The following ADCY6 variants were observed in gnomAD, a reference collection of about 807,000 sequenced individuals.
ADCY6 encodes adenylate cyclase 6, also known as adenylate cyclase type 6.
In ADCY6, 59 loss-of-function variants were observed where a neutral mutation model predicts 111.6. That is an observed-to-expected ratio of 0.53 (90% CI 0.43 to 0.66). ADCY6 has a LOEUF of 0.66. Among genes scored for constraint, ADCY6 ranks in the 30% least tolerant of loss-of-function variants. The pLI is 0.00. For missense variants in ADCY6, 1,242 were observed against 1,595.6 expected, an observed-to-expected ratio of 0.78 and a Z score of 3.78; for synonymous variants, 576 against 642.9, an observed-to-expected ratio of 0.90 and a Z score of 1.57.
Position 48,776,342 on chromosome 12 carries a change from T to C in ADCY6, c.1544A>G (p.His515Arg). 1 of 1,614,230 alleles carries C rather than the reference T, an allele frequency of 6.2e-7. No individual in the cohort carries two copies. Among genetic ancestry groups the C allele is most frequent in the South Asian group, 1.1e-5 (1 of 91,092 alleles). The part of the protein sequence containing the change: ...MEAGGRAGRI[H>R]ITRATLQYLN... ...GTACTGCAGTGTTGCCCGAGTGATGTGGATGCGGCTGTATGTGGCCAAGAG... is the reference window on the plus strand; with the variant it reads ...GTACTGCAGTGTTGCCCGAGTGATGCGGATGCGGCTGTATGTGGCCAAGAG... Residue 515 changes from histidine (H) to arginine (R), a missense_variant, in exon 8 of 22, where the codon CAC (histidine) becomes CGC (arginine). This residue lies in a region of ADCY6 where 260 missense variants were observed against 414.6 expected (regional missense o/e 0.63). Transcript: ENST00000357869. The surrounding 1 kb of genome is among the most constrained non-coding windows in gnomAD (Gnocchi z 6.1).
chr12:48,775,029 A>G lies in ADCY6; in HGVS notation c.2006T>C (p.Phe669Ser). ...KKYSRKVDPR[F>S]GAYVACALLV... ...CAGGGCACAGGCAACGTAGGCTCCGAAGCGGGGATCCACCTTCCGGGAGTA... is the reference window on the plus strand; with the variant it reads ...CAGGGCACAGGCAACGTAGGCTCCGGAGCGGGGATCCACCTTCCGGGAGTA... The change falls in exon 12 of 22, where the codon TTC (phenylalanine) becomes TCC (serine). Residue 669 changes from phenylalanine (F) to serine (S), a missense_variant. This residue lies in a region of ADCY6 where 375 missense variants were observed against 432.5 expected (regional missense o/e 0.87). Transcript: ENST00000357869. 1 of 1,556,870 alleles carries G rather than the reference A, an allele frequency of 6.4e-7. No homozygotes were observed. The highest frequency in any genetic ancestry group is 8.7e-7 in the Non-Finnish European group (1 of 1,149,896).
chr12:48,786,533 T>C (rs573439073), intron 1 of ADCY6, among the ~76,000 whole-genome samples: 2 of 152,206 alleles, frequency 1.3e-5, no homozygotes, highest in East Asian at 3.9e-4. Flanking sequence ...CGGCTAAATT[T>C]TGTATTTTTA....
rs1430111768 is a variant in ADCY6 at position 48,768,465 on chromosome 12, A to G, written c.*126T>C. The G allele has an allele frequency of 5.1e-6, 7 of 1,369,322 alleles. No homozygotes were observed. Among genetic ancestry groups the G allele is most frequent in the Non-Finnish European group, 7.2e-6 (7 of 972,408 alleles). The allele number at this position is 1,369,322 out of a possible 1,614,324, so 84.8% of individuals were successfully genotyped here. A position where few individuals can be genotyped will look rare whatever the true frequency, so the allele number is the denominator to read the frequency against. On this transcript the variant is annotated 3_prime_UTR_variant, in exon 22 of 22. Transcript: ENST00000357869. Reference sequence around the variant, plus strand: ...CATGATCCAAGCACAGCCTGCTGGGATGTTCCCTTTTGTGGTTAGCAGGGT... The same window carrying G: ...CATGATCCAAGCACAGCCTGCTGGGGTGTTCCCTTTTGTGGTTAGCAGGGT...
Position 48,773,959 on chromosome 12 carries a change from G to A in ADCY6, c.2423C>T (p.Pro808Leu). The change falls in exon 15 of 22, where the codon CCC becomes CTC. Residue 808 changes from proline (P) to leucine (L), a missense_variant. By Grantham distance (98) the Pro-to-Leu change is moderately conservative (BLOSUM62 -3). This residue lies in a region of ADCY6 where 375 missense variants were observed against 432.5 expected (regional missense o/e 0.87). Transcript: ENST00000357869. ...LDAPLCEGTMPTCSFPEYFIG... is the reference protein window; with the variant it reads ...LDAPLCEGTMLTCSFPEYFIG... Reference sequence around the variant, plus strand: ...GAACACCTCAGGAAAGCTGCAGGTGGGCATGGTGCCCTCACACAGGGGAGC... The same window carrying A: ...GAACACCTCAGGAAAGCTGCAGGTGAGCATGGTGCCCTCACACAGGGGAGC... 2 of 1,613,876 alleles carry A rather than the reference G, an allele frequency of 1.2e-6. No homozygotes were observed. Among genetic ancestry groups the A allele is most frequent in the Non-Finnish European group, 1.7e-6 (2 of 1,179,912 alleles).
At chr12:48,780,929 G>A (rs530812955) in intron 2 of ADCY6, among the ~76,000 whole-genome samples, 22 of 152,300 alleles carry the variant, frequency 1.4e-4, no homozygotes, top group Non-Finnish European at 4.4e-5. Flanking sequence ...GGCCAGGTGC[G>A]GTGGCTCACG....
In ADCY6 at chr12:48,777,783, A is replaced by G. The variant is rs769115608; in HGVS notation, c.1015-47T>C. The G allele has an allele frequency of 1.9e-6, 3 of 1,608,484 alleles. No homozygotes were observed. Among genetic ancestry groups the G allele is most frequent in the Admixed American group, 3.3e-5 (2 of 59,810 alleles). ...GGCATCACTATACTCTTGGTCTCAC[A>G]TTGCAATCCCTCCTGGTCTCTCCAC... On this transcript the variant is annotated intron_variant, in intron 3 of 21. Transcript: ENST00000357869. This position sits in a 1 kb window ranked among gnomAD's most constrained non-coding sequence, Gnocchi z 4.9.
chr12:48,768,554 C>T lies in ADCY6; in HGVS notation c.*37G>A, dbSNP rs1188078283. 6.2e-7 allele frequency: 1 copy of T among 1,614,136 alleles called. No individual in the cohort carries two copies. The highest frequency in any genetic ancestry group is 8.5e-7 in the Non-Finnish European group (1 of 1,179,994). On this transcript the variant is annotated 3_prime_UTR_variant, in exon 22 of 22. Coordinates refer to ENST00000357869, the MANE Select transcript of ADCY6 (RefSeq NM_015270.5). ...GAGCACAGAGTCCACTCAATGCCCA[C>T]CTTGGTCCCTTCAGCTGAATTTGTG...
intron 1 of ADCY6, 34 bp from the exon 2 acceptor site, chr12:48,783,472 CATCCAG>C (rs772087815): frequency 1.2e-6 from 2 of 1,613,396 alleles, no homozygotes; most frequent in African/African-American, 2.7e-5. Context: ...TATTAGAGAC[CATCCAG>C]TAGGAGTGGT....
Position 48,779,191 on chromosome 12 carries a change from C to T in ADCY6, c.865-934G>A, listed in dbSNP as rs539033990. Among the ~76,000 whole-genome samples, 43 of 152,168 alleles carry T rather than the reference C, an allele frequency of 2.8e-4. 1 individual carries two copies. In the South Asian group the frequency reaches 8.7e-3, roughly 31 times the overall value. On this transcript the variant is annotated intron_variant, in intron 2 of 21. Coordinates refer to ENST00000357869, the MANE Select transcript of ADCY6 (RefSeq NM_015270.5). The stretch of plus-strand genomic sequence containing the variant: ...AGGCATGATCCACCGCACCTGGCCC[C>T]TAACACATTTCTTAAAACTCTGTGA...
chr12:48,783,105 C>T lies in ADCY6; in HGVS notation c.330G>A (p.Ala110=), dbSNP rs767173305. 6.8e-6 allele frequency: 11 copies of T among 1,610,350 alleles called. No homozygotes were observed. The highest frequency in any genetic ancestry group is 4.4e-5 in the South Asian group (4 of 90,960). Residue 110 remains alanine, a synonymous_variant, in exon 2 of 22, where the codon GCG becomes GCA. Transcript: ENST00000357869. ...AGCAGGATCGCCCACTCCTGGGCAC[C>T]GCGTCGGGCGCCACCTCAGCCGTCC... is the stretch of plus-strand genomic sequence containing the variant. ...AGGTAEVAPD[A]VPRSGRSCWR...
At chr12:48,774,164 GCCATGTACCCTAACCTGGGCTATGC>G (rs1474903450) in intron 14 of ADCY6, 66 bp from the exon 15 acceptor site, 4 of 1,454,776 alleles carry the variant, frequency 2.7e-6, no homozygotes, top group African/African-American at 1.4e-5. Flanking sequence ...ACCTGGTGAA[GCCATGTACCCTAACCTGGGCTATGC>G]CCAGGTACCT....
chr12:48,772,069 GAGAA>G (rs778215409), intron 18 of ADCY6, 96 bp from the exon 19 acceptor site: 7 of 1,489,004 alleles, frequency 4.7e-6, no homozygotes, highest in African/African-American at 1.4e-5. Context: ...GAATCACATA[GAGAA>G]AGAAAGGCCC....
At chr12:48,768,909 T>A in intron 21 of ADCY6, 28 bp downstream of exon 21, 1 of 1,591,388 alleles carries the variant, frequency 6.3e-7, no homozygotes, top group South Asian at 1.2e-5. Context: ...CCCATGTTCC[T>A]CCCAGCCCCT....
chr12:48,772,552 A>C lies in ADCY6; in HGVS notation c.2622-9T>G, dbSNP rs1426736214. 1 of 1,614,170 alleles carries C rather than the reference A, an allele frequency of 6.2e-7. No homozygotes were observed. The highest frequency in any genetic ancestry group is 1.7e-5 in the Admixed American group (1 of 60,016). ...TCTCATTGGAAGAAGCCCTGGTAAG[A>C]AGATAGAAGAGACAAAGTCATCAGT... is the stretch of plus-strand genomic sequence containing the variant. On this transcript the variant is annotated splice_polypyrimidine_tract_variant and intron_variant, in intron 16 of 21. Transcript: ENST00000357869.
rs368177470 is a variant in ADCY6 at position 48,768,568 on chromosome 12, G to A, written c.*23C>T. 4.3e-6 allele frequency: 7 copies of A among 1,613,912 alleles called. No individual in the cohort carries two copies. The African/African-American group carries it at 9.3e-5, about 22-fold the overall frequency. The stretch of plus-strand genomic sequence containing the variant: ...CTCAATGCCCACCTTGGTCCCTTCA[G>A]CTGAATTTGTGGCTGGGCCCTGTTA... On this transcript the variant is annotated 3_prime_UTR_variant, in exon 22 of 22. Transcript: ENST00000357869.
chr12:48,781,075 G>C (rs11168734), intron 2 of ADCY6, among the ~76,000 whole-genome samples: 31,757 of 151,772 alleles, frequency 0.21, 3,595 homozygotes, highest in African/African-American at 0.28. Context: ...GCGCGCTCCT[G>C]TAGTCCCAGC....
intron 20 of ADCY6, among the ~76,000 whole-genome samples, chr12:48,770,559 G>GT (rs1426159536): frequency 6.6e-6 from 1 of 152,182 alleles, no homozygotes; most frequent in Non-Finnish European, 1.5e-5. Context: ...GGCGATAATA[G>GT]TATCAGGATT....
intron 1 of ADCY6, among the ~76,000 whole-genome samples, chr12:48,787,357 G>C (rs977942445): frequency 2.0e-5 from 3 of 151,822 alleles, no homozygotes; most frequent in Non-Finnish European, 2.9e-5. Context: ...TACTCACAGA[G>C]AAAGGGGCAA....
chr12:48,771,405 T>C lies in ADCY6; in HGVS notation c.3051+305A>G. 1.9e-6 allele frequency: 1 copy of C among 530,526 alleles called. No homozygotes were observed. Among genetic ancestry groups the C allele is most frequent in the South Asian group, 2.0e-5 (1 of 49,368 alleles). The allele number at this position is 530,526 out of a possible 1,614,324, so 32.9% of individuals were successfully genotyped here. A position where few individuals can be genotyped will look rare whatever the true frequency, so the allele number is the denominator to read the frequency against. On this transcript the variant is annotated intron_variant, in intron 19 of 21. Transcript: ENST00000357869. This position sits in a 1 kb window ranked among gnomAD's most constrained non-coding sequence, Gnocchi z 4.3. Reference sequence around the variant, plus strand: ...TCTTGCTTGGTTGGTCTCATGAGGTTCTGTCCACAGACTATTGCCTTCTTC... The same window carrying C: ...TCTTGCTTGGTTGGTCTCATGAGGTCCTGTCCACAGACTATTGCCTTCTTC...
Sources: allele counts gnomAD v4.1 joint callset (sites outside exome capture counted in the v4.1 genomes callset), GRCh38; gene constraint gnomAD v4.1.1; regional missense constraint gnomAD v4.1.1; non-coding constraint Gnocchi (gnomAD v3.1); transcripts MANE v1.5; gene names NCBI Gene and HGNC (gene_info 2026-07-23, HGNC 2026-07-21).